Variants in CPNE4 observed in about 807,000 individuals in gnomAD.
CPNE4 encodes the protein copine 4, also known as copine-4.
Under a neutral mutation model 67.9 loss-of-function variants are expected in CPNE4, and 25 were observed. The ratio of observed to expected loss-of-function variants is 0.37; its 90% CI spans 0.27 to 0.51. The LOEUF (loss-of-function observed/expected upper bound fraction) is 0.51, where lower values mean the gene tolerates loss of function less well. CPNE4 is among the 20% of genes least tolerant of loss of function. CPNE4 has a pLI of 0.93. For missense variants in CPNE4, 464 were observed against 690.8 expected (o/e 0.67, Z 3.68); for synonymous variants, 242 against 244.9 (o/e 0.99, Z 0.11).
intron 2 of CPNE4, among the ~76,000 whole-genome samples, chr3:131,820,334 C>T (rs1164661259): frequency 6.6e-6 from 1 of 152,186 alleles, no homozygotes; most frequent in Non-Finnish European, 1.5e-5. Context: ...GCTATCATGG[C>T]CTGACAGAGC....
At chr3:131,802,326 T>C (rs1235592045) in intron 2 of CPNE4, among the ~76,000 whole-genome samples, 1 of 152,166 alleles carries the variant, frequency 6.6e-6, no homozygotes, top group Non-Finnish European at 1.5e-5. Context: ...CTGTGGGAAA[T>C]GTTCAGTTTA....
At chr3:131,712,745 A>G (rs1268292913) in intron 3 of CPNE4, among the ~76,000 whole-genome samples, 1 of 152,268 alleles carries the variant, frequency 6.6e-6, no homozygotes, top group East Asian at 1.9e-4. Flanking sequence ...GGACAAGGAC[A>G]TACATTTTTA....
intron 2 of CPNE4, among the ~76,000 whole-genome samples, chr3:131,827,058 A>G (rs73203811): frequency 6.6e-6 from 1 of 152,032 alleles, no homozygotes; most frequent in Non-Finnish European, 1.5e-5. Flanking sequence ...CAAAACAAAA[A>G]AAAACAAAAC....
chr3:131,540,109 C>T (rs1184790101), intron 15 of CPNE4, among the ~76,000 whole-genome samples: 1 of 152,146 alleles, frequency 6.6e-6, no homozygotes, highest in Non-Finnish European at 1.5e-5. Context: ...TATAACAACA[C>T]AATTACCCCT....
intron 5 of CPNE4, among the ~76,000 whole-genome samples, chr3:131,694,618 A>C (rs986553592): frequency 2.6e-5 from 4 of 152,160 alleles, no homozygotes; most frequent in Non-Finnish European, 4.4e-5. Context: ...GCCACCGAGC[A>C]TCTCCCTTGT....
chr3:131,845,338 C>G (rs530548439), intron 2 of CPNE4, among the ~76,000 whole-genome samples: 1 of 152,126 alleles, frequency 6.6e-6, no homozygotes, highest in African/African-American at 2.4e-5. Flanking sequence ...AACAGGAAAT[C>G]GGTGCTTAAA....
At chr3:131,895,472 CAAT>C (rs2088290272) in intron 2 of CPNE4, among the ~76,000 whole-genome samples, 4 of 152,012 alleles carry the variant, frequency 2.6e-5, no homozygotes, top group Admixed American at 2.6e-4. Flanking sequence ...TATACAGTTA[CAAT>C]GTGTCAATTA....
At chr3:131,938,609 C>T (rs73206099) in intron 1 of CPNE4, among the ~76,000 whole-genome samples, 9,818 of 152,052 alleles carry the variant, frequency 0.065, 419 homozygotes, top group East Asian at 0.13. Flanking sequence ...GAAGCAGGCA[C>T]CTTCTTCACA....
intron 7 of CPNE4, among the ~76,000 whole-genome samples, chr3:131,609,185 G>A (rs1457723660): frequency 6.6e-6 from 1 of 152,166 alleles, no homozygotes; most frequent in Non-Finnish European, 1.5e-5. Context: ...GCTCCATGGG[G>A]CTGCAACCAC....
At chr3:131,578,382 AT>A (rs927053020) in intron 9 of CPNE4, among the ~76,000 whole-genome samples, 2 of 152,074 alleles carry the variant, frequency 1.3e-5, no homozygotes, top group Admixed American at 6.6e-5. Context: ...CCAACTGGCC[AT>A]TCCTTCATGT....
intron 6 of CPNE4, among the ~76,000 whole-genome samples, chr3:131,677,282 GT>G (rs779427796): frequency 1.3e-5 from 2 of 151,320 alleles, no homozygotes; most frequent in Non-Finnish European, 2.9e-5. Context: ...TTTTTAATGA[GT>G]TTTTTTCTTG....
intron 7 of CPNE4, among the ~76,000 whole-genome samples, chr3:131,665,387 C>T (rs1410547597): frequency 6.6e-6 from 1 of 151,944 alleles, no homozygotes; most frequent in East Asian, 1.9e-4. Flanking sequence ...TGGAAAAAAA[C>T]ATGCTGGGCA....
intron 2 of CPNE4, among the ~76,000 whole-genome samples, chr3:131,811,727 C>T (rs1458294318): frequency 1.3e-5 from 2 of 152,208 alleles, no homozygotes; most frequent in South Asian, 2.1e-4. Flanking sequence ...TATAGTTAAT[C>T]AGGATGAAAC....
intron 1 of CPNE4, among the ~76,000 whole-genome samples, chr3:131,972,793 G>A (rs1180075618): frequency 6.6e-6 from 1 of 152,044 alleles, no homozygotes; most frequent in Non-Finnish European, 1.5e-5. Flanking sequence ...CATGTTTCTA[G>A]GATTCTACTT....
intron 2 of CPNE4, among the ~76,000 whole-genome samples, chr3:131,747,549 A>G (rs1156491459): frequency 1.3e-5 from 2 of 151,912 alleles, no homozygotes; most frequent in African/African-American, 4.8e-5. Context: ...ACTTAAAAAA[A>G]AAATTTGAGA....
chr3:132,028,345 T>C (rs1333749440), intron 1 of CPNE4, among the ~76,000 whole-genome samples: 18 of 152,226 alleles, frequency 1.2e-4, no homozygotes, highest in Admixed American at 1.2e-3. Flanking sequence ...TTTGTTCATC[T>C]TTCTCCTCAC....
At chr3:131,629,919 T>C (rs528750919) in intron 7 of CPNE4, among the ~76,000 whole-genome samples, 3 of 149,178 alleles carry the variant, frequency 2.0e-5, no homozygotes, top group East Asian at 1.9e-4. Flanking sequence ...TCTCTCTCTC[T>C]CCCCCTCTTT....
chr3:131,861,425 TG>T (rs2086677129), intron 2 of CPNE4, among the ~76,000 whole-genome samples: 1 of 151,092 alleles, frequency 6.6e-6, no homozygotes, highest in Non-Finnish European at 1.5e-5. Context: ...TGTGTGTGTG[TG>T]TGTGTGTGTG....
At chr3:131,740,045 G>A (rs1265497431) in intron 2 of CPNE4, among the ~76,000 whole-genome samples, 2 of 152,158 alleles carry the variant, frequency 1.3e-5, no homozygotes, top group Admixed American at 1.3e-4. Flanking sequence ...TTGGCTTCTT[G>A]AGACAAAACA....
Sources: allele counts gnomAD v4.1 joint callset (sites outside exome capture counted in the v4.1 genomes callset), GRCh38; gene constraint gnomAD v4.1.1; transcripts MANE v1.5; gene names NCBI Gene and HGNC (gene_info 2026-07-23, HGNC 2026-07-21).